The following ALDH1L1 variants were observed in gnomAD, a reference collection of about 807,000 sequenced individuals.
The protein encoded by ALDH1L1 is cytosolic 10-formyltetrahydrofolate dehydrogenase.
In ALDH1L1, 68 loss-of-function variants were observed where a neutral mutation model predicts 101.1. The observed-to-expected ratio is 0.67, with a 90% confidence interval of 0.55 to 0.82. The LOEUF is 0.82. Among genes scored for constraint, ALDH1L1 ranks in the 40% least tolerant of loss-of-function variants. The probability of loss-of-function intolerance (pLI) is 0.00; values close to 1 mark genes in which losing one functional copy is unlikely to be tolerated. For missense variants in ALDH1L1, 1,087 were observed against 1,172.7 expected, an observed-to-expected ratio of 0.93 and a Z score of 1.07; for synonymous variants, 486 against 470.8, an observed-to-expected ratio of 1.03 and a Z score of -0.42.
intron 22 of ALDH1L1, 87 bp from the exon 23 acceptor site, chr3:126,103,933 C>T (rs1290000658): frequency 2.8e-5 from 41 of 1,468,518 alleles, no homozygotes; most frequent in African/African-American, 7.0e-5. Context: ...TCAGCAACCA[C>T]GTGGGGGCAG....
At chr3:126,159,944 C>T (rs188955924) in intron 2 of ALDH1L1, among the ~76,000 whole-genome samples, 226 of 152,278 alleles carry the variant, frequency 1.5e-3, no homozygotes, top group African/African-American at 5.3e-3. Flanking sequence ...GGCCTACAAG[C>T]CCCCTTTCCT....
chr3:126,134,247 G>A (rs1202937111), intron 12 of ALDH1L1, among the ~76,000 whole-genome samples: 1 of 152,046 alleles, frequency 6.6e-6, no homozygotes, highest in East Asian at 1.9e-4. Context: ...CATAGGACAG[G>A]AAGGGGTCCA....
rs145005083 is a variant in ALDH1L1 at position 126,118,017 on chromosome 3, T to C, written c.1970A>G (p.His657Arg). ...GFTGSTEVGK[H>R]IMKSCAISNV... Reference sequence around the variant, plus strand: ...CCCAGCCACGCACCTTTTCATGATGTGCTTGCCCACCTCTGTGGAGCCTGT... The same window carrying C: ...CCCAGCCACGCACCTTTTCATGATGCGCTTGCCCACCTCTGTGGAGCCTGT... Residue 657 changes from histidine to arginine, a missense_variant, in exon 17 of 23, where the codon CAC (histidine) becomes CGC (arginine). By Grantham distance (29) the His-to-Arg change is conservative. Coordinates refer to ENST00000393434, the MANE Select transcript of ALDH1L1 (RefSeq NM_012190.4). The C allele has an allele frequency of 1.9e-5, 31 of 1,613,572 alleles. No homozygotes were observed. The African/African-American group carries it at 3.3e-4, about 17-fold the overall frequency.
intron 1 of ALDH1L1, among the ~76,000 whole-genome samples, chr3:126,171,903 T>A (rs1445694042): frequency 1.6e-4 from 24 of 152,148 alleles, no homozygotes; most frequent in Admixed American, 1.4e-3. Flanking sequence ...AACACCTTGC[T>A]ACTACATCCA....
At chr3:126,193,247 A>G (rs953293978) in intron 1 of ALDH1L1, among the ~76,000 whole-genome samples, 3 of 152,126 alleles carry the variant, frequency 2.0e-5, no homozygotes, top group African/African-American at 7.2e-5. Flanking sequence ...ATTGACCAAA[A>G]CTTTAGTCAT....
At chr3:126,126,865 A>G (rs28484794) in intron 14 of ALDH1L1, among the ~76,000 whole-genome samples, 7,261 of 152,216 alleles carry the variant, frequency 0.048, 516 homozygotes, top group African/African-American at 0.15. Flanking sequence ...GCGGGCCCCT[A>G]ATTTAGGAGG....
intron 7 of ALDH1L1, chr3:126,152,752 G>A (rs1214433183): frequency 6.3e-6 from 1 of 159,442 alleles, no homozygotes; most frequent in African/African-American, 2.4e-5. Context: ...CACGGCTTTG[G>A]AGCCAGAATT....
At chr3:126,153,334 T>A (rs1418629900) in intron 7 of ALDH1L1, 110 bp downstream of exon 7, 1 of 1,561,892 alleles carries the variant, frequency 6.4e-7, no homozygotes, top group East Asian at 2.2e-5. Flanking sequence ...CTGGGTCTGG[T>A]TTTTTCCATT....
intron 1 of ALDH1L1, among the ~76,000 whole-genome samples, chr3:126,175,798 C>T (rs1437559794): frequency 1.3e-5 from 2 of 151,996 alleles, no homozygotes; most frequent in Non-Finnish European, 2.9e-5. Flanking sequence ...AAGGATGTTC[C>T]CTTTCACCCT....
rs56743432 is a variant in ALDH1L1, at chr3:126,174,676, A to C, written c.-24+5800T>G. On this transcript the variant is annotated intron_variant, in intron 1 of 22. Transcript: ENST00000393434. ...GTAAACAAATCAAAGAATAACTCTC[A>C]AGAAAAAATTTAAAATATTTCAAAC... 4.5e-3 allele frequency among the ~76,000 whole-genome samples: 683 copies of C among 152,304 alleles called. 8 individuals carry two copies. The highest frequency in any genetic ancestry group is 0.016 in the African/African-American group (655 of 41,566).
chr3:126,139,602 G>C (rs577770691), intron 9 of ALDH1L1, among the ~76,000 whole-genome samples: 50 of 152,152 alleles, frequency 3.3e-4, no homozygotes, highest in Middle Eastern at 3.2e-3. Flanking sequence ...ATTGGTCAAA[G>C]ACATTATGTC....
intron 20 of ALDH1L1, among the ~76,000 whole-genome samples, chr3:126,108,556 G>A (rs4646745): frequency 0.19 from 29,394 of 152,218 alleles, 3,035 homozygotes; most frequent in Middle Eastern, 0.29. Context: ...TCACAGTCCA[G>A]CGGGAGTGGG....
Position 126,103,860 on chromosome 3 carries a change from C to G in ALDH1L1, c.2654-14G>C. On this transcript the variant is annotated splice_polypyrimidine_tract_variant and intron_variant, in intron 22 of 22. Coordinates refer to ENST00000393434, the MANE Select transcript of ALDH1L1 (RefSeq NM_012190.4). Reference sequence around the variant, plus strand: ...GAGCCGCCTCTCCTGTAAGACACCACAAAGGTCACAGCAGCTCCCACCACA... The same window carrying G: ...GAGCCGCCTCTCCTGTAAGACACCAGAAAGGTCACAGCAGCTCCCACCACA... 1 of 1,612,558 alleles carries G rather than the reference C, an allele frequency of 6.2e-7. No homozygotes were observed. The highest frequency in any genetic ancestry group is 8.5e-7 in the Non-Finnish European group (1 of 1,179,350).
chr3:126,136,709 A>G, intron 11 of ALDH1L1, 55 bp downstream of exon 11: 1 of 1,549,410 alleles, frequency 6.5e-7, no homozygotes, highest in Non-Finnish European at 8.7e-7. Context: ...GGGGCAGGGA[A>G]GGAAGGACAG....
chr3:126,143,657 T>C (rs560262736), intron 9 of ALDH1L1, among the ~76,000 whole-genome samples: 1 of 152,316 alleles, frequency 6.6e-6, no homozygotes, highest in Admixed American at 6.5e-5. Flanking sequence ...TGATCTTACA[T>C]GTAGAAATCT....
intron 1 of ALDH1L1, among the ~76,000 whole-genome samples, chr3:126,174,113 A>C (rs773008293): frequency 4.6e-5 from 7 of 152,124 alleles, no homozygotes; most frequent in African/African-American, 7.2e-5. Context: ...ATCTCGGCTC[A>C]CTGCAACCTC....
chr3:126,110,812 C>A (rs3772427), intron 19 of ALDH1L1, among the ~76,000 whole-genome samples: 98,146 of 151,596 alleles, frequency 0.65, 32,881 homozygotes, highest in African/African-American at 0.84. Flanking sequence ...TGTCCTGTCG[C>A]CCCAAACCGC....
At chr3:126,144,686 C>T (rs953403502) in intron 9 of ALDH1L1, among the ~76,000 whole-genome samples, 3 of 152,170 alleles carry the variant, frequency 2.0e-5, no homozygotes, top group African/African-American at 7.2e-5. Context: ...TCTTGCCCCA[C>T]ACATAAAAAT....
At position 126,135,547 on chromosome 3, in the gene ALDH1L1, C is replaced by A; in HGVS notation, c.1460G>T (p.Arg487Leu). Residue 487 changes from arginine to leucine, a missense_variant, in exon 12 of 23, where the codon CGG becomes CTG. Around this residue, in one of 2 missense-constraint regions of ALDH1L1, gnomAD observed 645 missense variants for 637.0 expected, o/e 1.01. Coordinates refer to ENST00000393434, the MANE Select transcript of ALDH1L1 (RefSeq NM_012190.4). ...GTTGGGCTCCCACCTGTACATCAGCCGGCCCCGGTCCCGCGCACTGATCTT... is the reference window on the plus strand; with the variant it reads ...GTTGGGCTCCCACCTGTACATCAGCAGGCCCCGGTCCCGCGCACTGATCTT... ...WGKISARDRGRLMYRLADLME... is the reference protein window; with the variant it reads ...WGKISARDRGLLMYRLADLME... 6.2e-7 allele frequency: 1 copy of A among 1,608,002 alleles called. No homozygotes were observed. Among genetic ancestry groups the A allele is most frequent in the African/African-American group, 1.3e-5 (1 of 74,866 alleles).
Sources: allele counts gnomAD v4.1 joint callset (sites outside exome capture counted in the v4.1 genomes callset), GRCh38; gene constraint gnomAD v4.1.1; regional missense constraint gnomAD v4.1.1; transcripts MANE v1.5; gene names NCBI Gene and HGNC (gene_info 2026-07-23, HGNC 2026-07-21).